The following COL6A3 variants were observed in gnomAD, a reference collection of about 807,000 sequenced individuals.
The protein encoded by COL6A3 is collagen alpha-3(VI) chain.
Under a neutral mutation model 274.1 loss-of-function variants are expected in COL6A3, and 137 were observed. The observed-to-expected ratio is 0.50, with a 90% CI of 0.44 to 0.58. The LOEUF is 0.58. Ranked by LOEUF, COL6A3 falls within the 20% of genes least tolerant of loss-of-function variation. The probability of loss-of-function intolerance (pLI) is 0.00; values close to 1 mark genes in which losing one functional copy is unlikely to be tolerated. For synonymous variants in COL6A3, 1,650 were observed against 1,650.6 expected, an observed-to-expected ratio of 1.00 and a Z score of 0.01; for missense variants, 3,950 against 4,124.9, an observed-to-expected ratio of 0.96 and a Z score of 1.16.
chr2:237,367,277 T>A lies in COL6A3; in HGVS notation c.4910A>T (p.Lys1637Ile). The A allele has an allele frequency of 6.2e-7, 1 of 1,613,458 alleles. No individual in the cohort carries two copies. The highest frequency in any genetic ancestry group is 8.5e-7 in the Non-Finnish European group (1 of 1,179,660). The change falls in exon 11 of 44, where the codon AAA (lysine) becomes ATA (isoleucine). Residue 1637 changes from lysine to isoleucine, a missense_variant. Lys to Ile is a moderately radical substitution (Grantham distance 102). Coordinates refer to ENST00000295550, the MANE Select transcript of COL6A3 (RefSeq NM_004369.4). ...TPPPSRPEKK[K>I]ADIVFLLDGS... ...ATCCAACAGGAACACAATGTCTGCT[T>A]TCTTCTTCTCTAGAAGTGATTAAAG...
At position 237,374,621 on chromosome 2, in the gene COL6A3, C is replaced by A. The variant is rs727502838; in HGVS notation, c.3470G>T (p.Arg1157Met). The change falls in exon 8 of 44, where the codon AGG becomes ATG. Residue 1157 changes from arginine to methionine, a missense_variant. Physicochemically the swap from Arg to Met is moderately conservative, Grantham distance 91. Transcript: ENST00000295550. The surrounding 1 kb of genome is among the most constrained non-coding windows in gnomAD (Gnocchi z 4.8). ...DVRNPSVVVK[R>M]GGAVPIGIGI... ...AATGCCAATGGGCACAGCCCCACCC[C>A]TCTTCACGACCACGGAGGGGTTCCG... 30 of 1,614,054 alleles carry A rather than the reference C, an allele frequency of 1.9e-5. No individual in the cohort carries two copies. The highest frequency in any genetic ancestry group is 2.5e-5 in the Non-Finnish European group (29 of 1,180,046).
chr2:237,403,764 G>A (rs2078652574), intron 1 of COL6A3, among the ~76,000 whole-genome samples: 1 of 151,926 alleles, frequency 6.6e-6, no homozygotes, highest in South Asian at 2.1e-4. Flanking sequence ...AGGGCTCAGG[G>A]ACCCCCGACA....
In COL6A3 at chr2:237,364,200, T is replaced by C. The variant is rs111808145; in HGVS notation, c.5917+150A>G. ...CCATCCCACAGCTCCAAGCAGGTGATGAAGGGCCACAACGCTGGGAGGAAG... is the reference window on the plus strand; with the variant it reads ...CCATCCCACAGCTCCAAGCAGGTGACGAAGGGCCACAACGCTGGGAGGAAG... On this transcript the variant is annotated intron_variant, in intron 13 of 43. Transcript: ENST00000295550. The surrounding 1 kb of genome is among the most constrained non-coding windows in gnomAD (Gnocchi z 4.6). The C allele has an allele frequency of 5.7e-6, 4 of 699,398 alleles. No homozygotes were observed. Among genetic ancestry groups the C allele is most frequent in the African/African-American group, 1.8e-5 (1 of 56,820 alleles). 43.3% of individuals were successfully genotyped at this position (699,398 alleles called of 1,614,324 possible).
rs1185493353 is a variant in COL6A3 at position 237,339,090 on chromosome 2, T to C, written c.8492A>G (p.Asp2831Gly). Residue 2831 changes from aspartate (D) to glycine (G), a missense_variant, in exon 39 of 44, where the codon GAT (aspartate) becomes GGT (glycine). By Grantham distance (94) the Asp-to-Gly change is moderately conservative (BLOSUM62 -1). This residue lies in a region of COL6A3 where 1,284 missense variants were observed against 1,349.7 expected (regional missense o/e 0.95). Transcript: ENST00000295550. ...SSENAFYLSP[D>G]IRKQCDWFQG... ...GAACCAATCACACTGTTTCCTGATATCTGGGGACAAGTAAAAAGCATTTTC... is the reference window on the plus strand; with the variant it reads ...GAACCAATCACACTGTTTCCTGATACCTGGGGACAAGTAAAAAGCATTTTC... 2 of 1,613,998 alleles carry C rather than the reference T, an allele frequency of 1.2e-6. No homozygotes were observed. Among genetic ancestry groups the C allele is most frequent in the South Asian group, 2.2e-5 (2 of 91,058 alleles).
Position 237,365,747 on chromosome 2 carries a change from A to G in COL6A3, c.5789T>C (p.Leu1930Pro). The G allele has an allele frequency of 6.2e-7, 1 of 1,614,206 alleles. No homozygotes were observed. Among genetic ancestry groups the G allele is most frequent in the African/African-American group, 1.3e-5 (1 of 75,060 alleles). The change falls in exon 12 of 44, where the codon CTG (leucine) becomes CCG (proline). Residue 1930 changes from leucine (L) to proline (P), a missense_variant. Around this residue, in one of 5 missense-constraint regions of COL6A3, gnomAD observed 632 missense variants for 623.4 expected, o/e 1.01. Coordinates refer to ENST00000295550, the MANE Select transcript of COL6A3 (RefSeq NM_004369.4). ...TCTGAACTTGTTCAGGTAGACCTTC[A>G]GGGTGTCCTCCGTGAGGACGTAGGG... ...QHPYVLTEDTLKVYLNKFRQS... is the reference protein window; with the variant it reads ...QHPYVLTEDTPKVYLNKFRQS...
At chr2:237,365,629 G>A in intron 12 of COL6A3, 69 bp downstream of exon 12, 2 of 1,367,870 alleles carry the variant, frequency 1.5e-6, no homozygotes, top group Non-Finnish European at 2.1e-6. Flanking sequence ...TTGGGGGAAG[G>A]GCTTCCTCCT....
intron 27 of COL6A3, among the ~76,000 whole-genome samples, chr2:237,350,558 C>A (rs2077184391): frequency 6.6e-6 from 1 of 152,190 alleles, no homozygotes; most frequent in Admixed American, 6.5e-5. Context: ...GAACTCATTT[C>A]TTTTACAGAG....
intron 7 of COL6A3, among the ~76,000 whole-genome samples, chr2:237,375,361 G>A (rs2106362246): frequency 6.6e-6 from 1 of 152,308 alleles, no homozygotes; most frequent in East Asian, 1.9e-4. Flanking sequence ...AGGAGGCAAG[G>A]AATGCAGGCA....
At chr2:237,356,435 C>G (rs56189532) in intron 23 of COL6A3, among the ~76,000 whole-genome samples, 4,083 of 152,246 alleles carry the variant, frequency 0.027, 75 homozygotes, top group South Asian at 0.039. Context: ...TCTGAATTTT[C>G]AAAGCAAAAT....
Position 237,340,438 on chromosome 2 carries a change from CACGCAGGACTT to C in COL6A3, c.8464+3_8464+13del. On this transcript the variant is annotated splice_donor_5th_base_variant and intron_variant, in intron 38 of 43. Transcript: ENST00000295550. ...AGCCAGGCCAGGGCACATGCTGTGC[CACGCAGGACTT>C]ACTGCTGACGAAGGATGGCAACAGC... The C allele has an allele frequency of 6.2e-7, 1 of 1,609,536 alleles. No homozygotes were observed. Among genetic ancestry groups the C allele is most frequent in the Non-Finnish European group, 8.5e-7 (1 of 1,179,516 alleles).
chr2:237,410,769 G>A lies in COL6A3; in HGVS notation c.-31+3184C>T, dbSNP rs1329865945. ...AGACATTCATGACCACACATTAGAG[G>A]GGGCAAGCAACATGTTTTATTTAAA... On this transcript the variant is annotated intron_variant, in intron 1 of 43. Transcript: ENST00000295550. Among the ~76,000 whole-genome samples, 3 of 152,122 alleles carry A rather than the reference G, an allele frequency of 2.0e-5. No homozygotes were observed. In the East Asian group the frequency reaches 5.8e-4, roughly 29 times the overall value.
intron 42 of COL6A3, among the ~76,000 whole-genome samples, chr2:237,332,189 G>C (rs1315454969): frequency 6.9e-6 from 1 of 144,352 alleles, no homozygotes; most frequent in Non-Finnish European, 1.5e-5. Context: ...ATTAGGCACT[G>C]TTTATACAAT....
In COL6A3 at chr2:237,377,315, C is replaced by G. The variant is rs181006249; in HGVS notation, c.2527G>C (p.Asp843His). The G allele has an allele frequency of 1.2e-6, 2 of 1,600,850 alleles. No individual in the cohort carries two copies. Among genetic ancestry groups the G allele is most frequent in the East Asian group, 4.5e-5 (2 of 44,872 alleles). The change falls in exon 7 of 44, where the codon GAC becomes CAC. Residue 843 changes from aspartate (D) to histidine (H), a missense_variant. By Grantham distance (81) the Asp-to-His change is moderately conservative. Transcript: ENST00000295550. ...ESKRDILFLFDGSANLVGQFP... is the reference protein window; with the variant it reads ...ESKRDILFLFHGSANLVGQFP... ...TGGCCCACAAGATTGGCTGAGCCGT[C>G]AAAGAGGAACAGAATGTCTCGCTTG...
At position 237,387,645 on chromosome 2, in the gene COL6A3, G is replaced by C. The variant is rs1425007246; in HGVS notation, c.1249C>G (p.Pro417Ala). The C allele has an allele frequency of 6.2e-7, 1 of 1,613,606 alleles. No homozygotes were observed. The change falls in exon 4 of 44, where the codon CCG (proline) becomes GCG (alanine). Residue 417 changes from proline (P) to alanine (A), a missense_variant. Physicochemically the swap from Pro to Ala is conservative, Grantham distance 27. Around this residue, in one of 5 missense-constraint regions of COL6A3, gnomAD observed 1,934 missense variants for 1,984.3 expected, o/e 0.97. Coordinates refer to ENST00000295550, the MANE Select transcript of COL6A3 (RefSeq NM_004369.4). ...SFGDLQEKLL[P>A]YIVGVAQRHI... ...CTTTGGGCCACGCCAACAATGTACG[G>C]CAGTAATTTCTCCTGGAGGTCCCCA... is the stretch of plus-strand genomic sequence containing the variant.
At chr2:237,341,562 A>C (rs2076990496) in intron 37 of COL6A3, among the ~76,000 whole-genome samples, 1 of 151,464 alleles carries the variant, frequency 6.6e-6, no homozygotes, top group East Asian at 1.9e-4. Flanking sequence ...AAAAAAAAAA[A>C]AAAAAAAAAC....
Position 237,368,888 on chromosome 2 carries a change from T to C in COL6A3, c.4575A>G (p.Arg1525=). The C allele has an allele frequency of 1.2e-6, 2 of 1,614,200 alleles. No homozygotes were observed. Among genetic ancestry groups the C allele is most frequent in the South Asian group, 1.1e-5 (1 of 91,074 alleles). ...NTGKALEFVA[R]NLFVKSAGSR... is the part of the protein sequence containing the mutation. ...TCCCCGCAGACTTAACAAAGAGGTTTCTTGCCACAAATTCGAGAGCCTTGC... is the reference window on the plus strand; with the variant it reads ...TCCCCGCAGACTTAACAAAGAGGTTCCTTGCCACAAATTCGAGAGCCTTGC... The change falls in exon 10 of 44, where the codon AGA becomes AGG. Residue 1525 remains arginine, a synonymous_variant. Transcript: ENST00000295550. This position sits in a 1 kb window ranked among gnomAD's most constrained non-coding sequence, Gnocchi z 4.4.
intron 37 of COL6A3, 149 bp downstream of exon 37, chr2:237,341,916 A>G: frequency 1.4e-6 from 1 of 696,852 alleles, no homozygotes; most frequent in East Asian, 2.7e-5. Context: ...AAACTGCTGC[A>G]GTAGTATTTA....
chr2:237,325,892 A>T (rs866628952), intron 42 of COL6A3, 168 bp from the exon 43 acceptor site: 14 of 600,320 alleles, frequency 2.3e-5, no homozygotes, highest in Admixed American at 1.8e-4. Context: ...CCTCACTGCC[A>T]TATGGACATA....
At chr2:237,338,978 C>T (rs369941690) in intron 39 of COL6A3, 37 bp downstream of exon 39, 193 of 1,546,238 alleles carry the variant, frequency 1.2e-4, no homozygotes, top group Non-Finnish European at 1.5e-4. Flanking sequence ...TTCCCTGCAG[C>T]GCTACAATTT....
Sources: gnomAD v4.1 joint callset for allele counts (sites outside exome capture counted in the v4.1 genomes callset) on GRCh38, gnomAD v4.1.1 for gene constraint, gnomAD v4.1.1 regional missense constraint, Gnocchi (gnomAD v3.1) non-coding constraint, MANE v1.5 for transcripts, NCBI Gene and HGNC (gene_info 2026-07-23, HGNC 2026-07-21) for gene names.